The following KDM5B variants were observed in gnomAD, a reference collection of about 807,000 sequenced individuals.
The protein encoded by KDM5B is lysine demethylase 5B, also known as lysine-specific demethylase 5B.
In KDM5B, 144 loss-of-function variants were observed where a neutral mutation model predicts 193.4. The observed-to-expected ratio is 0.74, with a 90% confidence interval of 0.65 to 0.86. The LOEUF is 0.86. Ranked by LOEUF, KDM5B falls within the 40% of genes least tolerant of loss-of-function variation. The pLI is 0.00. For missense variants in KDM5B, 1,833 were observed against 1,886.9 expected, an observed-to-expected ratio of 0.97 and a Z score of 0.53; for synonymous variants, 668 against 682.6, an observed-to-expected ratio of 0.98 and a Z score of 0.33.
At chr1:202,807,620 C>T (rs1300580130) in intron 1 of KDM5B, among the ~76,000 whole-genome samples, 2 of 151,858 alleles carry the variant, frequency 1.3e-5, no homozygotes, top group African/African-American at 4.8e-5. Flanking sequence ...AAACTTTCCT[C>T]CTCGCACGAC....
intron 1 of KDM5B, among the ~76,000 whole-genome samples, chr1:202,800,804 C>T (rs2102347118): frequency 6.6e-6 from 1 of 152,326 alleles, no homozygotes; most frequent in South Asian, 2.1e-4. Flanking sequence ...TTAGCAGAGA[C>T]TAACCTCCAC....
Position 202,762,854 on chromosome 1 carries a change from A to T in KDM5B, c.809-46T>A, listed in dbSNP as rs1477891316. The T allele has an allele frequency of 9.0e-6, 6 of 663,186 alleles. No individual in the cohort carries two copies. The Admixed American group carries it at 1.4e-4, about 15-fold the overall frequency. 41.1% of individuals were successfully genotyped at this position (663,186 alleles called of 1,614,324 possible). Reference sequence around the variant, plus strand: ...TTAGCTCTTTATGATGCTTTTCTCCACTTCCTCATCATCTCCCTCCCAAAG... The same window carrying T: ...TTAGCTCTTTATGATGCTTTTCTCCTCTTCCTCATCATCTCCCTCCCAAAG... On this transcript the variant is annotated intron_variant, in intron 6 of 26. Coordinates refer to ENST00000367265, the MANE Select transcript of KDM5B (RefSeq NM_006618.5).
In KDM5B at chr1:202,726,085, C is replaced by T. The variant is rs1449780632; in HGVS notation, c.*2951G>A. The T allele has an allele frequency of 6.6e-6, 1 of 152,192 alleles. No individual in the cohort carries two copies. The highest frequency in any genetic ancestry group is 2.4e-5 in the African/African-American group (1 of 41,456). The allele number at this position is 152,192 out of a possible 1,614,324, so 9.4% of individuals were successfully genotyped here. A position where few individuals can be genotyped will look rare whatever the true frequency, so the allele number is the denominator to read the frequency against. ...CTTCCAGGTAGAGATCTACTCTATT[C>T]TTAGGCTAATCTTGCACTAATACCC... On this transcript the variant is annotated 3_prime_UTR_variant, in exon 27 of 27. Transcript: ENST00000367265.
intron 16 of KDM5B, 26 bp downstream of exon 16, chr1:202,745,832 A>G: frequency 6.2e-7 from 1 of 1,613,542 alleles, no homozygotes; most frequent in Non-Finnish European, 8.5e-7. Flanking sequence ...TTTGCCAATC[A>G]CCAAGTCACT....
At chr1:202,785,272 G>C (rs1168394859) in intron 1 of KDM5B, among the ~76,000 whole-genome samples, 1 of 152,076 alleles carries the variant, frequency 6.6e-6, no homozygotes, top group African/African-American at 2.4e-5. Context: ...CTGTCAACTA[G>C]CACATTTTAT....
At chr1:202,781,938 T>C (rs911044197) in intron 1 of KDM5B, among the ~76,000 whole-genome samples, 12 of 152,184 alleles carry the variant, frequency 7.9e-5, no homozygotes, top group Admixed American at 3.3e-4. Context: ...ATAAAGATAT[T>C]TGATGTTCTC....
At chr1:202,803,566 GTAATCCCAGC>G (rs1287069492) in intron 1 of KDM5B, among the ~76,000 whole-genome samples, 1 of 151,778 alleles carries the variant, frequency 6.6e-6, no homozygotes, top group African/African-American at 2.4e-5. Context: ...GCTCACGTCT[GTAATCCCAGC>G]ACTTTGGGAG....
In KDM5B at chr1:202,735,334, C is replaced by T. The variant is rs574378682; in HGVS notation, c.3423+95G>A. The T allele has an allele frequency of 1.4e-4, 185 of 1,318,334 alleles. 1 individual carries two copies. In the African/African-American group the frequency reaches 2.2e-3, roughly 16 times the overall value. The allele number at this position is 1,318,334 out of a possible 1,614,324, so 81.7% of individuals were successfully genotyped here. ...AGTAAAACTGAACGCTTTCAAGTTA[C>T]TCTACTTGCCTTCTCCAAATTCCTA... On this transcript the variant is annotated intron_variant, in intron 22 of 26. Coordinates refer to ENST00000367265, the MANE Select transcript of KDM5B (RefSeq NM_006618.5).
Position 202,731,875 on chromosome 1 carries a change from T to C in KDM5B, c.3974A>G (p.Tyr1325Cys). Residue 1325 changes from tyrosine to cysteine, a missense_variant, in exon 24 of 27, where the codon TAT becomes TGT. Transcript: ENST00000367265. ...LPDDWDNRTS[Y>C]LHSPFSTGRS... ...TCCAGTTGAGAAGGGGGAGTGCAAA[T>C]ATGAGGTTCTGTTGTCCCAGTCATC... 6.2e-7 allele frequency: 1 copy of C among 1,613,520 alleles called. No homozygotes were observed. The highest frequency in any genetic ancestry group is 2.2e-5 in the East Asian group (1 of 44,852).
At chr1:202,757,143 T>C (rs1425997249) in intron 9 of KDM5B, among the ~76,000 whole-genome samples, 1 of 152,110 alleles carries the variant, frequency 6.6e-6, no homozygotes, top group Non-Finnish European at 1.5e-5. Context: ...CTAGATCCTT[T>C]GCATAGGCAG....
Position 202,733,517 on chromosome 1 carries a change from T to G in KDM5B, c.3793A>C (p.Arg1265=). 1 of 1,614,200 alleles carries G rather than the reference T, an allele frequency of 6.2e-7. No homozygotes were observed. Among genetic ancestry groups the G allele is most frequent in the East Asian group, 2.2e-5 (1 of 44,886 alleles). The part of the protein sequence containing the change: ...MIERTVNWQH[R]AQQLLSSGNL... Reference sequence around the variant, plus strand: ...CCTGACGAAAGCAGTTGCTGGGCTCTGTGCTGCCAGTTCACGGTTCTTTCA... The same window carrying G: ...CCTGACGAAAGCAGTTGCTGGGCTCGGTGCTGCCAGTTCACGGTTCTTTCA... The change falls in exon 23 of 27, where the codon AGA becomes CGA. Residue 1265 remains arginine, a synonymous_variant. Coordinates refer to ENST00000367265, the MANE Select transcript of KDM5B (RefSeq NM_006618.5).
In KDM5B at chr1:202,746,261, T is replaced by C. The variant is rs1452018951; in HGVS notation, c.2079A>G (p.Val693=). 2.5e-6 allele frequency: 4 copies of C among 1,613,740 alleles called. No individual in the cohort carries two copies. Among genetic ancestry groups the C allele is most frequent in the Non-Finnish European group, 3.4e-6 (4 of 1,179,808 alleles). ...ELLPDDERQC[V]KCKTTCFMSA... Reference sequence around the variant, plus strand: ...ACATGAAGCATGTAGTTTTGCATTTTACACACTGACGTTCATCATCTGGCA... The same window carrying C: ...ACATGAAGCATGTAGTTTTGCATTTCACACACTGACGTTCATCATCTGGCA... The change falls in exon 15 of 27, where the codon GTA becomes GTG. Residue 693 remains valine, a synonymous_variant. Coordinates refer to ENST00000367265, the MANE Select transcript of KDM5B (RefSeq NM_006618.5).
intron 1 of KDM5B, among the ~76,000 whole-genome samples, chr1:202,783,522 C>A (rs1657282428): frequency 6.6e-6 from 1 of 151,842 alleles, no homozygotes; most frequent in African/African-American, 2.4e-5. Context: ...CAAAAACAAA[C>A]AAAAAAACTT....
At chr1:202,777,344 G>T in intron 1 of KDM5B, among the ~76,000 whole-genome samples, 2 of 94,996 alleles carry the variant, frequency 2.1e-5, no homozygotes, top group East Asian at 3.3e-4. Flanking sequence ...CAATGTCATT[G>T]AGCCTGTAAA....
intron 1 of KDM5B, among the ~76,000 whole-genome samples, chr1:202,782,298 T>C (rs913530382): frequency 6.6e-6 from 1 of 152,250 alleles, no homozygotes; most frequent in Non-Finnish European, 1.5e-5. Context: ...TTATTTGTAA[T>C]GTTCACTATC....
rs755173272 is a variant in KDM5B, at chr1:202,764,121, C to T, written c.736G>A (p.Glu246Lys). 9 of 1,568,242 alleles carry T rather than the reference C, an allele frequency of 5.7e-6. No individual in the cohort carries two copies. Among genetic ancestry groups the T allele is most frequent in the African/African-American group, 4.1e-5 (3 of 73,240 alleles). ...AEAMNIKIEP[E>K]ETTEARTHNL... is the part of the protein sequence containing the mutation. ...TGAGTTCTGGCTTCCGTTGTCTCCT[C>T]GGGTTCTATTTTAATATTCATGGCC... Residue 246 changes from glutamate (E) to lysine (K), a missense_variant, in exon 6 of 27, where the codon GAG (glutamate) becomes AAG (lysine). Physicochemically the swap from Glu to Lys is moderately conservative, Grantham distance 56. This residue lies in a region of KDM5B where 355 missense variants were observed against 374.9 expected (regional missense o/e 0.95). Transcript: ENST00000367265.
At chr1:202,806,675 G>A (rs1658305664) in intron 1 of KDM5B, 2 of 152,132 alleles carry the variant, frequency 1.3e-5, no homozygotes, top group Non-Finnish European at 2.9e-5. Context: ...GGGTTAAGAA[G>A]CCTTATTTTC....
Position 202,728,879 on chromosome 1 carries a change from C to T in KDM5B, c.*157G>A. 2.4e-6 allele frequency: 2 copies of T among 826,602 alleles called. No individual in the cohort carries two copies. The highest frequency in any genetic ancestry group is 3.6e-6 in the Non-Finnish European group (2 of 552,170). The allele number at this position is 826,602 out of a possible 1,614,324, so 51.2% of individuals were successfully genotyped here. A position where few individuals can be genotyped will look rare whatever the true frequency, so the allele number is the denominator to read the frequency against. On this transcript the variant is annotated 3_prime_UTR_variant, in exon 27 of 27. Coordinates refer to ENST00000367265, the MANE Select transcript of KDM5B (RefSeq NM_006618.5). ...TTTTTTAGTTGTTTTTTCTTTTCTT[C>T]AAAGAGTCCTGGAAAAATGATCCCA...
intron 4 of KDM5B, among the ~76,000 whole-genome samples, chr1:202,770,956 C>T (rs1285071815): frequency 6.6e-6 from 1 of 152,180 alleles, no homozygotes; most frequent in Non-Finnish European, 1.5e-5. Context: ...TCCTTTCAGA[C>T]TCCTTGATTG....
Sources: gnomAD v4.1 joint callset for allele counts (sites outside exome capture counted in the v4.1 genomes callset) on GRCh38, gnomAD v4.1.1 for gene constraint, gnomAD v4.1.1 regional missense constraint, MANE v1.5 for transcripts, NCBI Gene and HGNC (gene_info 2026-07-23, HGNC 2026-07-21) for gene names.